EML5: variants seen among roughly 807,000 people sequenced by gnomAD.
The protein encoded by EML5 is echinoderm microtubule-associated protein-like 5.
Under a neutral mutation model 250.0 loss-of-function variants are expected in EML5, and 120 were observed. That is an observed-to-expected ratio of 0.48 (90% CI 0.41 to 0.56). The LOEUF is 0.56. Ranked by LOEUF, EML5 falls within the 20% of genes least tolerant of loss-of-function variation. The pLI, the probability that EML5 is intolerant of heterozygous loss-of-function variation, is 0.00. For synonymous variants in EML5, 771 were observed against 806.5 expected, an observed-to-expected ratio of 0.96 and a Z score of 0.75; for missense variants, 2,006 against 2,437.6, an observed-to-expected ratio of 0.82 and a Z score of 3.73.
rs565841705 is a variant in EML5 at position 88,645,531 on chromosome 14, G to A, written c.4029-1020C>T. Among the ~76,000 whole-genome samples the A allele has an allele frequency of 2.5e-4, 38 of 152,234 alleles. No individual in the cohort carries two copies. The South Asian group carries it at 7.7e-3, about 31-fold the overall frequency. ...TATTGAATACATCCTTCTTGAAAGT[G>A]AATTTTCGTAATATTTCTATGAACG... On this transcript the variant is annotated intron_variant, in intron 29 of 43. Transcript: ENST00000554922.
At chr14:88,757,006 C>T (rs1383224909) in intron 1 of EML5, among the ~76,000 whole-genome samples, 1 of 152,108 alleles carries the variant, frequency 6.6e-6, no homozygotes, top group Non-Finnish European at 1.5e-5. Flanking sequence ...CTCAAAATAA[C>T]CAAAACTATC....
intron 8 of EML5, among the ~76,000 whole-genome samples, chr14:88,717,609 G>T (rs999595715): frequency 4.6e-5 from 7 of 152,130 alleles, no homozygotes; most frequent in African/African-American, 1.7e-4. Context: ...CAAAAAATTA[G>T]CCAGGTGTGG....
intron 1 of EML5, among the ~76,000 whole-genome samples, chr14:88,774,921 T>C (rs1000617743): frequency 2.0e-5 from 3 of 152,212 alleles, no homozygotes; most frequent in Non-Finnish European, 4.4e-5. Context: ...TAATCTCAAA[T>C]AGAACACTTC....
Position 88,615,768 on chromosome 14 carries a change from C to T in EML5, c.*50G>A, listed in dbSNP as rs754624492. 12 of 1,582,590 alleles carry T rather than the reference C, an allele frequency of 7.6e-6. No homozygotes were observed. The highest frequency in any genetic ancestry group is 1.0e-5 in the Non-Finnish European group (12 of 1,163,586). On this transcript the variant is annotated 3_prime_UTR_variant, in exon 44 of 44. Coordinates refer to ENST00000554922, the MANE Select transcript of EML5 (RefSeq NM_183387.3). ...GCAGGGTTGGGTTTTGGTTTTTCTT[C>T]TCTGTAATTCTGGTCTCAAAGTTAA...
chr14:88,701,766 A>G (rs1204093434), intron 14 of EML5, among the ~76,000 whole-genome samples: 1 of 152,204 alleles, frequency 6.6e-6, no homozygotes, highest in Non-Finnish European at 1.5e-5. Flanking sequence ...TAACTGATTG[A>G]TCTTAAGCAA....
At chr14:88,691,936 G>A (rs370808638) in intron 17 of EML5, among the ~76,000 whole-genome samples, 3 of 152,282 alleles carry the variant, frequency 2.0e-5, no homozygotes, top group East Asian at 1.9e-4. Context: ...TATTTTCACT[G>A]CAAGAATATT....
chr14:88,735,838 T>C (rs563179865), intron 7 of EML5, among the ~76,000 whole-genome samples: 1 of 152,282 alleles, frequency 6.6e-6, no homozygotes, highest in Admixed American at 6.5e-5. Flanking sequence ...ATATTCCTGT[T>C]AAAAAGGAGG....
rs147812986 is a variant in EML5 at position 88,639,557 on chromosome 14, T to C, written c.4238-650A>G. 6.0e-4 allele frequency among the ~76,000 whole-genome samples: 92 copies of C among 152,286 alleles called. 1 individual carries two copies. The highest frequency in any genetic ancestry group is 2.0e-3 in the African/African-American group (83 of 41,576). On this transcript the variant is annotated intron_variant, in intron 31 of 43. Coordinates refer to ENST00000554922, the MANE Select transcript of EML5 (RefSeq NM_183387.3). ...GAGTCACATTTTATATTTGTTCTTA[T>C]GTCAGTGGAGGAAGAACTGCAATCT...
At chr14:88,667,989 A>G (rs1035297705) in intron 21 of EML5, among the ~76,000 whole-genome samples, 7 of 152,100 alleles carry the variant, frequency 4.6e-5, no homozygotes, top group Non-Finnish European at 8.8e-5. Flanking sequence ...TGTTCCACTG[A>G]GGGCTGCACC....
intron 17 of EML5, among the ~76,000 whole-genome samples, chr14:88,691,562 C>A (rs1488091779): frequency 1.3e-5 from 2 of 152,168 alleles, no homozygotes; most frequent in Non-Finnish European, 2.9e-5. Flanking sequence ...GGCTCCCCAT[C>A]CCTCTGTCCC....
At chr14:88,705,367 C>T (rs10142212) in intron 12 of EML5, 115 bp downstream of exon 12, 113,317 of 815,124 alleles carry the variant, frequency 0.14, 10,026 homozygotes, top group African/African-American at 0.32. Context: ...CTAATATAGT[C>T]ATACATTGCT....
chr14:88,711,388 G>C (rs1595617165), intron 10 of EML5, among the ~76,000 whole-genome samples: 3 of 65,020 alleles, frequency 4.6e-5, no homozygotes. Context: ...AGTTCAGCAT[G>C]GCTGGGGAGG....
At chr14:88,783,640 A>T (rs1238289059) in intron 1 of EML5, among the ~76,000 whole-genome samples, 3 of 152,202 alleles carry the variant, frequency 2.0e-5, no homozygotes, top group Non-Finnish European at 4.4e-5. Flanking sequence ...TACGCACCCA[A>T]CACTAGAGCA....
chr14:88,715,510 A>C (rs2093477039), intron 8 of EML5, among the ~76,000 whole-genome samples: 1 of 152,218 alleles, frequency 6.6e-6, no homozygotes, highest in Admixed American at 6.5e-5. Flanking sequence ...TTTATGGTAA[A>C]AGAAGTTCTT....
chr14:88,622,655 C>T lies in EML5; in HGVS notation c.4962G>A (p.Arg1654=). ...DQELRRCRAF[R]LETGQATDCV... ...AATCTGTGGCTTGTCCTGTCTCAAG[C>T]CTGAAGGCACGGCACCGCCTCAGTT... The change falls in exon 37 of 44, where the codon AGG becomes AGA. Residue 1654 remains arginine, a synonymous_variant. Coordinates refer to ENST00000554922, the MANE Select transcript of EML5 (RefSeq NM_183387.3). The T allele has an allele frequency of 1.2e-6, 2 of 1,611,700 alleles. No individual in the cohort carries two copies. Among genetic ancestry groups the T allele is most frequent in the Non-Finnish European group, 1.7e-6 (2 of 1,178,840 alleles).
chr14:88,699,000 T>G (rs754646324), intron 14 of EML5, among the ~76,000 whole-genome samples: 7 of 152,118 alleles, frequency 4.6e-5, no homozygotes, highest in Admixed American at 6.6e-5. Context: ...AGCGAATAAG[T>G]GGAAAGGCTT....
intron 1 of EML5, among the ~76,000 whole-genome samples, chr14:88,791,299 C>T (rs2094604867): frequency 1.3e-5 from 2 of 152,202 alleles, no homozygotes; most frequent in Non-Finnish European, 2.9e-5. Context: ...GAGGGAATAA[C>T]ATTTTGTAAC....
At chr14:88,773,038 T>C (rs2094410168) in intron 1 of EML5, among the ~76,000 whole-genome samples, 1 of 152,260 alleles carries the variant, frequency 6.6e-6, no homozygotes, top group Admixed American at 6.5e-5. Context: ...TTTCCCTTCA[T>C]GCTTACTCCT....
chr14:88,732,362 G>T (rs2093773893), intron 7 of EML5, among the ~76,000 whole-genome samples: 1 of 152,180 alleles, frequency 6.6e-6, no homozygotes, highest in African/African-American at 2.4e-5. Flanking sequence ...GTTTGTCAAA[G>T]ATCAGACGGT....
Sources: allele counts gnomAD v4.1 joint callset (sites outside exome capture counted in the v4.1 genomes callset), GRCh38; gene constraint gnomAD v4.1.1; transcripts MANE v1.5; gene names NCBI Gene and HGNC (gene_info 2026-07-23, HGNC 2026-07-21).